STPG4: variants seen among roughly 807,000 people sequenced by gnomAD.
The protein encoded by STPG4 is protein STPG4.
Under a neutral mutation model 31.5 loss-of-function variants are expected in STPG4, and 41 were observed. The observed-to-expected ratio is 1.30, with a 90% CI of 1.01 to 1.69. The LOEUF is 1.69. Ranked by LOEUF, STPG4 falls within the 40% of genes most tolerant of loss-of-function variation. The pLI, the probability that STPG4 is intolerant of heterozygous loss-of-function variation, is 0.00. For synonymous variants in STPG4, 141 were observed against 103.0 expected, an observed-to-expected ratio of 1.37 and a Z score of -2.24; for missense variants, 375 against 293.4, an observed-to-expected ratio of 1.28 and a Z score of -2.03.
At position 47,103,645 on chromosome 2, in the gene STPG4, A is replaced by G. The variant is rs567986154; in HGVS notation, c.520-13271T>C. ...TGGGACACTTTAAAAAAGATTGTCC[A>G]ATGAGAAACAAACTGCCCCCTCGTC... is the stretch of plus-strand genomic sequence containing the variant. On this transcript the variant is annotated intron_variant, in intron 5 of 6. Transcript: ENST00000445927. Among the ~76,000 whole-genome samples, 16 of 152,066 alleles carry G rather than the reference A, an allele frequency of 1.1e-4. 1 individual carries two copies. The South Asian group carries it at 3.1e-3, about 30-fold the overall frequency.
chr2:47,143,582 T>C (rs913785552), intron 3 of STPG4, among the ~76,000 whole-genome samples: 15 of 151,828 alleles, frequency 9.9e-5, no homozygotes, highest in African/African-American at 3.6e-4. Context: ...GCCTCCTGGG[T>C]TCACGCCATT....
chr2:47,128,918 G>C (rs1179351532), intron 5 of STPG4: 2 of 152,338 alleles, frequency 1.3e-5, no homozygotes, highest in Non-Finnish European at 2.9e-5. Context: ...GCACAGCACT[G>C]GCTAAGGCCT....
Position 47,089,600 on chromosome 2 carries a change from G to A in STPG4, c.624+670C>T, listed in dbSNP as rs571687085. ...AGCAAGTCTTGGGGACTTTCAGACC[G>A]TATTGCAGACTGAAAGCAACAAAGC... On this transcript the variant is annotated intron_variant, in intron 6 of 6. Transcript: ENST00000445927. 8.9e-4 allele frequency among the ~76,000 whole-genome samples: 136 copies of A among 152,008 alleles called. 1 individual carries two copies. Among genetic ancestry groups the A allele is most frequent in the Non-Finnish European group, 1.3e-3 (87 of 67,988 alleles).
At chr2:47,137,739 A>C (rs1686624623) in intron 3 of STPG4, among the ~76,000 whole-genome samples, 1 of 152,162 alleles carries the variant, frequency 6.6e-6, no homozygotes. Context: ...CATTTTATCT[A>C]GGTAATCAAA....
intron 5 of STPG4, among the ~76,000 whole-genome samples, chr2:47,100,035 A>G (rs529395820): frequency 1.1e-4 from 17 of 152,142 alleles, no homozygotes; most frequent in East Asian, 1.9e-4. Flanking sequence ...GGGCTCCTGT[A>G]CAGCCCCAGC....
At chr2:47,124,611 T>G (rs1404027002) in intron 5 of STPG4, among the ~76,000 whole-genome samples, 1 of 152,244 alleles carries the variant, frequency 6.6e-6, no homozygotes, top group African/African-American at 2.4e-5. Context: ...GACCTCATTA[T>G]TTCTTATGGC....
At chr2:47,091,329 A>C (rs1685565609) in intron 5 of STPG4, among the ~76,000 whole-genome samples, 1 of 152,208 alleles carries the variant, frequency 6.6e-6, no homozygotes, top group South Asian at 2.1e-4. Flanking sequence ...CTATCCAGAG[A>C]GGGAGAAAGA....
intron 5 of STPG4, among the ~76,000 whole-genome samples, chr2:47,125,406 G>C (rs576545940): frequency 1.3e-5 from 2 of 152,244 alleles, no homozygotes; most frequent in South Asian, 2.1e-4. Context: ...GGGTGAAAAA[G>C]CAAGACGCTG....
At chr2:47,126,282 C>T (rs116293120) in intron 5 of STPG4, among the ~76,000 whole-genome samples, 4,154 of 151,746 alleles carry the variant, frequency 0.027, 198 homozygotes, top group African/African-American at 0.094. Context: ...TCTTTCTCCT[C>T]TTCCTCCTCT....
chr2:47,103,830 T>C (rs567694954), intron 5 of STPG4, among the ~76,000 whole-genome samples: 47 of 151,792 alleles, frequency 3.1e-4, no homozygotes, highest in Non-Finnish European at 5.3e-4. Flanking sequence ...CCCGGGTATG[T>C]TTAACTATTG....
intron 5 of STPG4, among the ~76,000 whole-genome samples, chr2:47,126,998 G>T (rs112490246): frequency 6.6e-5 from 10 of 151,820 alleles, no homozygotes; most frequent in African/African-American, 2.4e-4. Flanking sequence ...GGTCTTATTT[G>T]GGTTAAATAT....
chr2:47,090,319 A>G lies in STPG4; in HGVS notation c.575T>C (p.Val192Ala), dbSNP rs762373142. 409 of 1,551,926 alleles carry G rather than the reference A, an allele frequency of 2.6e-4. 1 individual carries two copies. Among genetic ancestry groups the G allele is most frequent in the Non-Finnish European group, 3.4e-4 (392 of 1,147,046 alleles). Residue 192 changes from valine (V) to alanine (A), a missense_variant, in exon 6 of 7, where the codon GTC becomes GCC. Coordinates refer to ENST00000445927, the MANE Select transcript of STPG4 (RefSeq NM_001163561.2). ...GACTCTGGATTGAAAACAAGAAGTG[A>G]CAGAGCTTGTTGGAGGCATTTTCAC... ...YNVKMPPTSS[V>A]TSCFQSRVPR...
At chr2:47,108,693 T>C (rs1685975106) in intron 5 of STPG4, 1 of 153,196 alleles carries the variant, frequency 6.5e-6, no homozygotes, top group Admixed American at 6.5e-5. Flanking sequence ...ATTCTTTCCC[T>C]AGTCTCTGTT....
At position 47,127,252 on chromosome 2, in the gene STPG4, C is replaced by CTTTTTT. The variant is rs57475505; in HGVS notation, c.519+2683_519+2688dup. 1.2e-3 allele frequency among the ~76,000 whole-genome samples: 70 copies of CTTTTTT among 57,468 alleles called. 9 individuals are homozygous for CTTTTTT. Among genetic ancestry groups the CTTTTTT allele is most frequent in the African/African-American group, 3.8e-3 (37 of 9,670 alleles). 37.7% of individuals were successfully genotyped at this position (57,468 alleles called of 152,430 possible). ...CAAATAGCTTGTCTTCAAGCTAATT[C>CTTTTTT]TTTTTTTTTTTTTTTTTTTTTTTTT... is the stretch of plus-strand genomic sequence containing the variant. On this transcript the variant is annotated intron_variant, in intron 5 of 6. Coordinates refer to ENST00000445927, the MANE Select transcript of STPG4 (RefSeq NM_001163561.2).
intron 5 of STPG4, among the ~76,000 whole-genome samples, chr2:47,098,929 AG>A: frequency 6.6e-6 from 1 of 152,280 alleles, no homozygotes; most frequent in East Asian, 1.9e-4. Flanking sequence ...TCCCAAGACA[AG>A]GGGGTCATAT....
intron 5 of STPG4, among the ~76,000 whole-genome samples, chr2:47,096,384 G>C (rs1685669193): frequency 6.6e-6 from 1 of 152,184 alleles, no homozygotes; most frequent in Non-Finnish European, 1.5e-5. Context: ...AGGCCAAAAT[G>C]GGCAGGGCCT....
At chr2:47,120,192 G>T (rs893154782) in intron 5 of STPG4, among the ~76,000 whole-genome samples, 1 of 152,102 alleles carries the variant, frequency 6.6e-6, no homozygotes, top group African/African-American at 2.4e-5. Context: ...TTAGCTGGGC[G>T]TGGTGGCCCA....
intron 5 of STPG4, among the ~76,000 whole-genome samples, chr2:47,090,984 G>A (rs1173550396): frequency 2.0e-5 from 3 of 152,132 alleles, no homozygotes; most frequent in South Asian, 4.1e-4. Flanking sequence ...TGAGGAAGGA[G>A]GGCTTTAACC....
chr2:47,127,100 T>C (rs890185125), intron 5 of STPG4, among the ~76,000 whole-genome samples: 4 of 152,090 alleles, frequency 2.6e-5, no homozygotes, highest in Non-Finnish European at 4.4e-5. Flanking sequence ...GAATAAACTT[T>C]CTACTTCAAT....
Sources: gnomAD v4.1 joint callset for allele counts (sites outside exome capture counted in the v4.1 genomes callset) on GRCh38, gnomAD v4.1.1 for gene constraint, MANE v1.5 for transcripts, NCBI Gene and HGNC (gene_info 2026-07-23, HGNC 2026-07-21) for gene names.